The following SPINK2 variants were observed in gnomAD, a reference collection of about 807,000 sequenced individuals.
The protein encoded by SPINK2 is serine peptidase inhibitor Kazal type 2.
Under a neutral mutation model 13.5 loss-of-function variants are expected in SPINK2, and 8 were observed. The observed-to-expected ratio is 0.59, with a 90% CI of 0.35 to 1.07. The LOEUF is 1.07. Ranked by LOEUF, SPINK2 falls within the 50% of genes least tolerant of loss-of-function variation. The probability of loss-of-function intolerance (pLI) is 0.02; values close to 1 mark genes in which losing one functional copy is unlikely to be tolerated. For synonymous variants in SPINK2, 76 were observed against 74.7 expected, an observed-to-expected ratio of 1.02 and a Z score of -0.09; for missense variants, 148 against 180.3, an observed-to-expected ratio of 0.82 and a Z score of 1.03.
intron 2 of SPINK2, among the ~76,000 whole-genome samples, chr4:56,814,994 G>C (rs905535473): frequency 3.3e-5 from 5 of 149,576 alleles, no homozygotes; most frequent in African/African-American, 1.2e-4. Flanking sequence ...CAAAGGCTGA[G>C]GCAGGAGAAT....
intron 2 of SPINK2, among the ~76,000 whole-genome samples, chr4:56,819,322 T>C (rs371057096): frequency 1.4e-3 from 212 of 152,326 alleles, no homozygotes; most frequent in African/African-American, 5.0e-3. Flanking sequence ...GTTAACCTGC[T>C]GAAGTCAATA....
At chr4:56,821,863 C>A, upstream of SPINK2, 1 of 537,900 alleles carries the variant, frequency 1.9e-6, no homozygotes, top group Non-Finnish European at 3.1e-6. Context: ...CGGGGGAGAA[C>A]CGGAAAGGGC....
chr4:56,821,746 A>AGGGCGGGGAAAGGGGCGGGGGATG, upstream of SPINK2: 2 of 1,238,492 alleles, frequency 1.6e-6, no homozygotes, highest in African/African-American at 1.8e-5. Context: ...GGGCGCGGGG[A>AGGGCGGGGAAAGGGGCGGGGGATG]GGGCGGGGGA....
At chr4:56,815,797 CAA>C (rs3221125) in intron 2 of SPINK2, among the ~76,000 whole-genome samples, 1 of 147,612 alleles carries the variant, frequency 6.8e-6, no homozygotes, top group African/African-American at 2.6e-5. Context: ...CACACACACA[CAA>C]AACTATTATT....
At chr4:56,817,895 T>G (rs1717592805) in intron 2 of SPINK2, among the ~76,000 whole-genome samples, 1 of 147,980 alleles carries the variant, frequency 6.8e-6, no homozygotes, top group African/African-American at 2.5e-5. Flanking sequence ...TAGAGGAGGA[T>G]AAACTATGAG....
rs557762119 is a variant in SPINK2 at position 56,820,537 on chromosome 4, G to A, written c.248C>T (p.Thr83Met). Residue 83 changes from threonine to methionine, a missense_variant and splice_region_variant, in exon 2 of 4, where the codon ACG becomes ATG. Coordinates refer to ENST00000506738, the MANE Select transcript of SPINK2 (RefSeq NM_001271718.2). Reference sequence around the variant, plus strand: ...CAGTAGAAGTGGTTTGCTACTTACCGTTCTATATTTTGAAAACAGACCAAA... The same window carrying A: ...CAGTAGAAGTGGTTTGCTACTTACCATTCTATATTTTGAAAACAGACCAAA... ...PQFGLFSKYR[T>M]PNCSQYRLPG... is the part of the protein sequence containing the mutation. The A allele has an allele frequency of 1.2e-5, 19 of 1,609,616 alleles. No individual in the cohort carries two copies. Among genetic ancestry groups the A allele is most frequent in the South Asian group, 4.4e-5 (4 of 90,966 alleles).
rs772651694 is a variant in SPINK2, at chr4:56,821,700, T to C, written c.-38A>G. 4.9e-6 allele frequency: 7 copies of C among 1,431,480 alleles called. No homozygotes were observed. The South Asian group carries it at 6.8e-5, about 14-fold the overall frequency. 88.7% of individuals were successfully genotyped at this position (1,431,480 alleles called of 1,614,324 possible). On this transcript the variant is annotated 5_prime_UTR_variant, in exon 1 of 4. Transcript: ENST00000506738. ...CCGGCTGTCTTGCCCCTGCGGTCTG[T>C]TACCTGCGCCACTCGCAGGGAGCGC...
intron 3 of SPINK2, 59 bp downstream of exon 3, chr4:56,811,623 AAAG>A: frequency 1.7e-6 from 2 of 1,195,906 alleles, no homozygotes; most frequent in Non-Finnish European, 2.4e-6. Context: ...TCAAAAAAAA[AAAG>A]AAGAAAAAAA....
rs760376323 is a variant in SPINK2 at position 56,821,497 on chromosome 4, G to A, written c.166C>T (p.Arg56Cys). The A allele has an allele frequency of 5.9e-6, 9 of 1,537,958 alleles. No individual in the cohort carries two copies. The highest frequency in any genetic ancestry group is 3.6e-5 in the South Asian group (3 of 83,250). Residue 56 changes from arginine (R) to cysteine (C), a missense_variant, in exon 1 of 4, where the codon CGC becomes TGC. Physicochemically the swap from Arg to Cys is radical, Grantham distance 180. Coordinates refer to ENST00000506738, the MANE Select transcript of SPINK2 (RefSeq NM_001271718.2). ...GGGGAACCGCCAGTAACGGGCGCGC[G>A]GGTACCGTCGCCGAGGCCGCCCGGA... ...PAPGGLGDGT[R>C]APVTGGSPED...
intron 2 of SPINK2, among the ~76,000 whole-genome samples, chr4:56,814,980 A>AAAAAAC (rs1717317652): frequency 7.2e-6 from 1 of 137,990 alleles, no homozygotes; most frequent in East Asian, 2.2e-4. Flanking sequence ...AAAAAAAAAA[A>AAAAAAC]AAACAAAGGC....
intron 2 of SPINK2, 62 bp from the exon 3 acceptor site, chr4:56,811,856 A>G (rs550519134): frequency 7.0e-6 from 6 of 858,968 alleles, no homozygotes; most frequent in Non-Finnish European, 1.1e-5. Flanking sequence ...AAAATAGTTC[A>G]GAGGAGAAAA....
chr4:56,814,099 T>C (rs1454483957), intron 2 of SPINK2, among the ~76,000 whole-genome samples: 1 of 151,672 alleles, frequency 6.6e-6, no homozygotes, highest in Non-Finnish European at 1.5e-5. Flanking sequence ...AATTTTTGTA[T>C]TTTTAGTAGA....
intron 3 of SPINK2, 185 bp from the exon 4 acceptor site, chr4:56,810,369 T>TAGATATATATTAGA: frequency 3.3e-6 from 2 of 605,146 alleles, no homozygotes; most frequent in South Asian, 4.3e-5. Flanking sequence ...CTCTGTCATT[T>TAGATATATATTAGA]TTTTCCCTAA....
At chr4:56,811,616 AAAAAAAAAAGAAG>A (rs760197890) in intron 3 of SPINK2, 56 bp downstream of exon 3, 151 of 1,033,464 alleles carry the variant, frequency 1.5e-4, no homozygotes, top group Middle Eastern at 2.4e-4. Flanking sequence ...GACTCTGTCA[AAAAAAAAAAGAAG>A]AAAAAAAAAG....
intron 3 of SPINK2, 121 bp from the exon 4 acceptor site, chr4:56,810,305 T>G: frequency 1.2e-6 from 1 of 811,398 alleles, no homozygotes. Context: ...CAGCTACACT[T>G]ATTTAATCAT....
upstream of SPINK2, chr4:56,821,772 A>G (rs10024887): frequency 0.061 from 70,860 of 1,164,426 alleles, 7,001 homozygotes; most frequent in African/African-American, 0.41. Context: ...CGGGGCGAGA[A>G]TGGGAGGAAA....
intron 2 of SPINK2, among the ~76,000 whole-genome samples, chr4:56,815,762 TCACACACACACACACACACA>T (rs140055216): frequency 1.4e-5 from 2 of 142,972 alleles, no homozygotes; most frequent in African/African-American, 5.2e-5. Context: ...CCTAAGAAAT[TCACACACACACACACACACA>T]CACACACACA....
intron 2 of SPINK2, among the ~76,000 whole-genome samples, chr4:56,818,061 G>A (rs1461479418): frequency 6.6e-6 from 1 of 152,184 alleles, no homozygotes; most frequent in Admixed American, 6.6e-5. Flanking sequence ...GTAGCAGGAA[G>A]TGGAAAGTGA....
chr4:56,819,337 C>T (rs115379194), intron 2 of SPINK2, among the ~76,000 whole-genome samples: 2,886 of 152,262 alleles, frequency 0.019, 91 homozygotes, highest in African/African-American at 0.065. Flanking sequence ...TCAATATCCT[C>T]ATATGTCAAA....
Sources: allele counts gnomAD v4.1 joint callset (sites outside exome capture counted in the v4.1 genomes callset), GRCh38; gene constraint gnomAD v4.1.1; transcripts MANE v1.5; gene names NCBI Gene and HGNC (gene_info 2026-07-23, HGNC 2026-07-21).